Variants in NNT observed in about 807,000 individuals in gnomAD.
The protein encoded by NNT is NAD(P) transhydrogenase, mitochondrial.
Under a neutral mutation model 104.8 loss-of-function variants are expected in NNT, and 50 were observed. The observed-to-expected ratio is 0.48, with a 90% CI of 0.38 to 0.60. The LOEUF is 0.60. Ranked by LOEUF, NNT falls within the 20% of genes least tolerant of loss-of-function variation. The pLI is 0.00. For missense variants in NNT, 1,131 were observed against 1,330.7 expected, an observed-to-expected ratio of 0.85 and a Z score of 2.33; for synonymous variants, 461 against 490.4, an observed-to-expected ratio of 0.94 and a Z score of 0.79.
chr5:43,702,338 G>A (rs894855539), intron 20 of NNT, among the ~76,000 whole-genome samples: 2 of 152,146 alleles, frequency 1.3e-5, no homozygotes, highest in African/African-American at 4.8e-5. Flanking sequence ...AAAAGTTATA[G>A]AGTCAGATTA....
intron 1 of NNT, among the ~76,000 whole-genome samples, chr5:43,605,522 CAAAAAAAAAAAAA>C (rs70997416): frequency 2.6e-5 from 1 of 37,760 alleles, no homozygotes; most frequent in East Asian, 1.3e-3. Context: ...GACTCCGTCT[CAAAAAAAAAAAAA>C]AAAAAAAAAA....
At chr5:43,603,948 A>C (rs899957439) in intron 1 of NNT, among the ~76,000 whole-genome samples, 9 of 152,180 alleles carry the variant, frequency 5.9e-5, no homozygotes, top group African/African-American at 2.2e-4. Flanking sequence ...GTTCAAACTC[A>C]ACAGCCGGAA....
chr5:43,673,075 C>G (rs1741215436), intron 17 of NNT, among the ~76,000 whole-genome samples: 2 of 152,220 alleles, frequency 1.3e-5, no homozygotes, highest in South Asian at 4.1e-4. Context: ...GCATGGGACC[C>G]TCTGAGCCAG....
chr5:43,698,203 TG>T (rs1246602029), intron 19 of NNT, among the ~76,000 whole-genome samples: 1 of 151,860 alleles, frequency 6.6e-6, no homozygotes, highest in Non-Finnish European at 1.5e-5. Flanking sequence ...TATTAATATA[TG>T]AAAATATATA....
chr5:43,619,902 C>G (rs1421801129), intron 5 of NNT, among the ~76,000 whole-genome samples: 1 of 151,920 alleles, frequency 6.6e-6, no homozygotes, highest in East Asian at 1.9e-4. Context: ...AGGGAGCAGG[C>G]GTGTGCAAAA....
intron 6 of NNT, among the ~76,000 whole-genome samples, chr5:43,627,567 G>A (rs1750437632): frequency 6.6e-6 from 1 of 152,010 alleles, no homozygotes; most frequent in South Asian, 2.1e-4. Context: ...GTGTTTGTTG[G>A]CTGTGGTTTT....
intron 19 of NNT, among the ~76,000 whole-genome samples, chr5:43,680,369 G>T (rs987849519): frequency 6.6e-5 from 10 of 151,994 alleles, no homozygotes; most frequent in African/African-American, 2.4e-4. Context: ...TTTACAGTTT[G>T]CAGTAATTTA....
chr5:43,666,301 A>C (rs906804820), intron 17 of NNT, among the ~76,000 whole-genome samples: 2 of 152,052 alleles, frequency 1.3e-5, no homozygotes, highest in Admixed American at 1.3e-4. Context: ...AGCCTGGGCA[A>C]CATTGAGCAC....
Position 43,702,697 on chromosome 5 carries a change from T to G in NNT, c.3072T>G (p.Ile1024Met), listed in dbSNP as rs776016665. 34 of 1,612,936 alleles carry G rather than the reference T, an allele frequency of 2.1e-5. No individual in the cohort carries two copies. The Admixed American group carries it at 5.7e-4, about 27-fold the overall frequency. ...SAAQEDPNSI[I>M]AGMPVLEVWK... ...CTCAAGAAGATCCCAACTCTATTAT[T>G]GCAGGCATGCCAGTCCTTGAGGTCT... Residue 1024 changes from isoleucine (I) to methionine (M), a missense_variant, in exon 21 of 22, where the codon ATT becomes ATG. Ile to Met is a conservative substitution (Grantham distance 10, BLOSUM62 1). Coordinates refer to ENST00000344920, the MANE Select transcript of NNT (RefSeq NM_182977.3).
chr5:43,624,798 A>T (rs930765880), intron 6 of NNT, among the ~76,000 whole-genome samples: 2 of 152,230 alleles, frequency 1.3e-5, no homozygotes, highest in Admixed American at 1.3e-4. Flanking sequence ...TACAGTTAAT[A>T]TGTGTTTTAA....
At chr5:43,690,220 T>C (rs1235981220) in intron 19 of NNT, among the ~76,000 whole-genome samples, 3 of 151,764 alleles carry the variant, frequency 2.0e-5, no homozygotes, top group Non-Finnish European at 2.9e-5. Flanking sequence ...TTAAGCCTTC[T>C]CGATATCTTG....
intron 17 of NNT, among the ~76,000 whole-genome samples, chr5:43,674,363 G>T (rs889623259): frequency 5.3e-5 from 8 of 152,052 alleles, no homozygotes; most frequent in African/African-American, 1.9e-4. Context: ...GTAGCAGGCT[G>T]AGCCATCATT....
intron 5 of NNT, 119 bp downstream of exon 5, chr5:43,619,238 G>C (rs1749944508): frequency 2.4e-6 from 1 of 409,254 alleles, no homozygotes; most frequent in Admixed American, 4.4e-5. Flanking sequence ...ATGACTTTTT[G>C]GTGTGTATAA....
intron 7 of NNT, among the ~76,000 whole-genome samples, chr5:43,628,963 G>A (rs1002786307): frequency 4.0e-5 from 6 of 150,416 alleles, no homozygotes; most frequent in Non-Finnish European, 7.4e-5. Context: ...AGAATAAAAC[G>A]CCATTTATTT....
At chr5:43,612,754 A>G (rs180805339) in intron 2 of NNT, among the ~76,000 whole-genome samples, 154 bp from the exon 3 acceptor site, 92 of 152,354 alleles carry the variant, frequency 6.0e-4, no homozygotes, top group African/African-American at 2.1e-3. Context: ...AATTATAAGT[A>G]TGAATCAGGA....
At chr5:43,648,776 T>A (rs1341667519) in intron 10 of NNT, among the ~76,000 whole-genome samples, 1 of 152,234 alleles carries the variant, frequency 6.6e-6, no homozygotes, top group African/African-American at 2.4e-5. Context: ...CTTTGGTAGA[T>A]CCTCTGTAGG....
intron 10 of NNT, among the ~76,000 whole-genome samples, chr5:43,646,244 G>T (rs1322773452): frequency 1.3e-5 from 2 of 152,044 alleles, no homozygotes; most frequent in African/African-American, 2.4e-5. Context: ...TCCTGTTATA[G>T]AAAGCATTTT....
chr5:43,645,634 T>G (rs944530767), intron 10 of NNT, 124 bp downstream of exon 10: 14 of 275,246 alleles, frequency 5.1e-5, no homozygotes, highest in East Asian at 2.3e-4. Flanking sequence ...CACATATATA[T>G]CTACACATCT....
At chr5:43,628,896 ATTTTT>A (rs1750517964) in intron 7 of NNT, among the ~76,000 whole-genome samples, 1 of 151,130 alleles carries the variant, frequency 6.6e-6, no homozygotes, top group Non-Finnish European at 1.5e-5. Flanking sequence ...CCTTTTGTGA[ATTTTT>A]ATATAAATTC....
Sources: allele counts gnomAD v4.1 joint callset (sites outside exome capture counted in the v4.1 genomes callset), GRCh38; gene constraint gnomAD v4.1.1; transcripts MANE v1.5; gene names NCBI Gene and HGNC (gene_info 2026-07-23, HGNC 2026-07-21).